JMJD1C: variants seen among roughly 807,000 people sequenced by gnomAD.
JMJD1C encodes the protein jumonji domain-containing protein 1C.
Under a neutral mutation model 245.3 loss-of-function variants are expected in JMJD1C, and 31 were observed. The ratio of observed to expected loss-of-function variants is 0.13; its 90% CI spans 0.09 to 0.17. The LOEUF (loss-of-function observed/expected upper bound fraction) is 0.17. Ranked by LOEUF, JMJD1C falls within the 10% of genes least tolerant of loss-of-function variation. The pLI, the probability that JMJD1C is intolerant of heterozygous loss-of-function variation, is 1.00. For missense variants in JMJD1C, 2,691 were observed against 3,000.2 expected (o/e 0.90, Z 2.41); for synonymous variants, 1,057 against 1,017.4 (o/e 1.04, Z -0.74).
At chr10:63,177,551 G>T in intron 23 of JMJD1C, 166 bp downstream of exon 23, 2 of 666,804 alleles carry the variant, frequency 3.0e-6, no homozygotes, top group Non-Finnish European at 5.1e-6. Context: ...GACTTTCAAA[G>T]AGGAGCAAGA....
In JMJD1C at chr10:63,199,075, T is replaced by G. The variant is rs75952263; in HGVS notation, c.5277-348A>C. Among the ~76,000 whole-genome samples, 490 of 152,302 alleles carry G rather than the reference T, an allele frequency of 3.2e-3. 3 individuals are homozygous for G. The highest frequency in any genetic ancestry group is 0.011 in the African/African-American group (475 of 41,584). Reference sequence around the variant, plus strand: ...CAGAGCAATGCTGTTATTTTATACATAATCTAAATCGGAATCACCAAAGCT... The same window carrying G: ...CAGAGCAATGCTGTTATTTTATACAGAATCTAAATCGGAATCACCAAAGCT... On this transcript the variant is annotated intron_variant, in intron 11 of 25. Coordinates refer to ENST00000399262, the MANE Select transcript of JMJD1C (RefSeq NM_032776.3).
intron 1 of JMJD1C, among the ~76,000 whole-genome samples, chr10:63,445,862 ATTTTTTTTTTTTT>A (rs56316223): frequency 7.9e-5 from 6 of 75,770 alleles, no homozygotes; most frequent in South Asian, 5.4e-4. Flanking sequence ...TGGGATCTGA[ATTTTTTTTTTTTT>A]TTTTTTTTTT....
At chr10:63,338,226 C>A (rs1449387022) in intron 2 of JMJD1C, among the ~76,000 whole-genome samples, 1 of 152,178 alleles carries the variant, frequency 6.6e-6, no homozygotes, top group Non-Finnish European at 1.5e-5. Context: ...CCTCAAGCTC[C>A]TGGGCTCAAG....
intron 10 of JMJD1C, chr10:63,203,913 T>G: frequency 1.0e-6 from 1 of 977,946 alleles, no homozygotes. Flanking sequence ...AGAAAGAAAA[T>G]AGACATTATT....
chr10:63,255,748 A>C (rs929707349), intron 3 of JMJD1C, among the ~76,000 whole-genome samples: 2 of 152,220 alleles, frequency 1.3e-5, no homozygotes, highest in Admixed American at 6.5e-5. Flanking sequence ...AAGAGAATAC[A>C]ATCTATTTTC....
upstream of JMJD1C, chr10:63,465,981 C>G (rs921309411): frequency 2.9e-6 from 1 of 339,478 alleles, no homozygotes; most frequent in Non-Finnish European, 5.4e-6. Flanking sequence ...CAGTACTGCT[C>G]CGTCTCCCTC....
chr10:63,330,015 C>G (rs1941970167), intron 2 of JMJD1C, among the ~76,000 whole-genome samples: 1 of 152,210 alleles, frequency 6.6e-6, no homozygotes, highest in African/African-American at 2.4e-5. Flanking sequence ...ATTCTCGTGT[C>G]TCAGCCTCCC....
intron 2 of JMJD1C, among the ~76,000 whole-genome samples, chr10:63,303,553 G>A (rs535350367): frequency 2.0e-5 from 3 of 152,126 alleles, no homozygotes; most frequent in Non-Finnish European, 4.4e-5. Context: ...TGATCTGCCC[G>A]CCTTGGCTTC....
chr10:63,228,307 G>A (rs1212406819), intron 3 of JMJD1C, among the ~76,000 whole-genome samples: 1 of 152,108 alleles, frequency 6.6e-6, no homozygotes, highest in Admixed American at 6.5e-5. Context: ...TTCATAGAAT[G>A]TTTAGGTGTT....
At position 63,319,937 on chromosome 10, in the gene JMJD1C, T is replaced by C. The variant is rs143043781; in HGVS notation, c.334-55173A>G. On this transcript the variant is annotated intron_variant, in intron 2 of 25. Coordinates refer to ENST00000399262, the MANE Select transcript of JMJD1C (RefSeq NM_032776.3). ...TGCCACCACACCCAGCTAATTTTTT[T>C]GTAGTTTTAGTAGAGACAGGGTTTC... is the stretch of plus-strand genomic sequence containing the variant. Among the ~76,000 whole-genome samples, 384 of 152,288 alleles carry C rather than the reference T, an allele frequency of 2.5e-3. 3 individuals carry two copies. In the South Asian group the frequency reaches 0.029, roughly 12 times the overall value.
At chr10:63,438,098 A>C (rs768079846) in intron 1 of JMJD1C, among the ~76,000 whole-genome samples, 1 of 152,138 alleles carries the variant, frequency 6.6e-6, no homozygotes, top group Admixed American at 6.6e-5. Context: ...ATGATACTTT[A>C]AGTAACTGCC....
chr10:63,461,748 G>A (rs2133092181), intron 1 of JMJD1C, among the ~76,000 whole-genome samples: 1 of 152,072 alleles, frequency 6.6e-6, no homozygotes, highest in South Asian at 2.1e-4. Context: ...TTACACTTTA[G>A]ACAGAACTGG....
chr10:63,380,567 T>C, intron 1 of JMJD1C, 85 bp from the exon 2 acceptor site: 7 of 1,010,946 alleles, frequency 6.9e-6, no homozygotes, highest in Non-Finnish European at 1.0e-5. Context: ...ATTGTACATA[T>C]TTATGGGGTA....
At chr10:63,209,303 A>T (rs1294921787) in intron 8 of JMJD1C, 68 bp from the exon 9 acceptor site, 5 of 1,319,354 alleles carry the variant, frequency 3.8e-6, no homozygotes, top group Non-Finnish European at 5.1e-6. Context: ...ACACCGTGTC[A>T]CAGTAGAACT....
At chr10:63,459,220 A>G (rs546835355) in intron 1 of JMJD1C, among the ~76,000 whole-genome samples, 34 of 152,370 alleles carry the variant, frequency 2.2e-4, no homozygotes, top group African/African-American at 7.2e-4. Flanking sequence ...TACTTAAAAA[A>G]TGAGTTTAGT....
intron 3 of JMJD1C, among the ~76,000 whole-genome samples, chr10:63,224,927 T>G (rs1234080488): frequency 6.6e-6 from 1 of 151,744 alleles, no homozygotes; most frequent in Non-Finnish European, 1.5e-5. Context: ...CTGGGTGTGG[T>G]GGTGGGCGCC....
At chr10:63,301,555 AG>A (rs888391352) in intron 2 of JMJD1C, among the ~76,000 whole-genome samples, 16 of 152,218 alleles carry the variant, frequency 1.1e-4, no homozygotes, top group Non-Finnish European at 1.9e-4. Context: ...AAACTAACAC[AG>A]GAACAGAAAA....
rs777794108 is a variant in JMJD1C, at chr10:63,465,573, G to A, written c.90C>T (p.Ser30=). The change falls in exon 1 of 26, where the codon AGC becomes AGT. Residue 30 remains serine, a synonymous_variant. Transcript: ENST00000399262. ...CTCGCCAGCTTCGCCAGCCGCGTCC[G>A]CTCTCCCAGCGCTCCGAACGTGCCT... ...GDEARSERWE[S]GRGWRSWRAG... is the part of the protein sequence containing the mutation. The A allele has an allele frequency of 3.1e-6, 5 of 1,608,440 alleles. No homozygotes were observed. The highest frequency in any genetic ancestry group is 1.7e-4 in the Middle Eastern group (1 of 6,052).
intron 10 of JMJD1C, chr10:63,203,450 C>A (rs911896012): frequency 1.6e-5 from 16 of 985,128 alleles, no homozygotes; most frequent in Non-Finnish European, 1.9e-5. Context: ...CAAATACTTG[C>A]CAAACATTAA....
Sources: allele counts gnomAD v4.1 joint callset (sites outside exome capture counted in the v4.1 genomes callset), GRCh38; gene constraint gnomAD v4.1.1; transcripts MANE v1.5; gene names NCBI Gene and HGNC (gene_info 2026-07-23, HGNC 2026-07-21).